Variants in SCN8A observed in about 807,000 individuals in gnomAD.
SCN8A encodes the protein sodium voltage-gated channel alpha subunit 8.
In SCN8A, 30 loss-of-function variants were observed where a neutral mutation model predicts 184.1. That is an observed-to-expected ratio of 0.16 (90% CI 0.12 to 0.22). SCN8A has a LOEUF of 0.22. Among genes scored for constraint, SCN8A ranks in the 10% least tolerant of loss-of-function variants. The pLI is 1.00. For synonymous variants in SCN8A, 852 were observed against 907.0 expected (o/e 0.94, Z 1.09); for missense variants, 1,057 against 2,498.9 (o/e 0.42, Z 12.30).
intron 2 of SCN8A, among the ~76,000 whole-genome samples, chr12:51,676,543 T>A (rs1275599937): frequency 1.3e-5 from 2 of 152,188 alleles, no homozygotes; most frequent in Non-Finnish European, 2.9e-5. Context: ...TGCTGTTGAT[T>A]AATGAACAAC....
intron 2 of SCN8A, among the ~76,000 whole-genome samples, chr12:51,669,652 C>G (rs1002655319): frequency 6.6e-6 from 1 of 152,166 alleles, no homozygotes; most frequent in Non-Finnish European, 1.5e-5. Flanking sequence ...TTTTAAAACA[C>G]ATTAGGATCT....
Position 51,634,619 on chromosome 12 carries a change from C to G in SCN8A, c.-54-28145C>G, listed in dbSNP as rs59112347. Among the ~76,000 whole-genome samples, 1,359 of 149,060 alleles carry G rather than the reference C, an allele frequency of 9.1e-3. 20 individuals carry two copies. The highest frequency in any genetic ancestry group is 0.031 in the African/African-American group (1,269 of 40,828). On this transcript the variant is annotated intron_variant, in intron 1 of 26. Transcript: ENST00000627620. Reference sequence around the variant, plus strand: ...TAGTTTTCTATATTTTTCAAGTTTTCTACAATGAAATACGTATTATTATTA... The same window carrying G: ...TAGTTTTCTATATTTTTCAAGTTTTGTACAATGAAATACGTATTATTATTA...
intron 1 of SCN8A, among the ~76,000 whole-genome samples, chr12:51,613,219 A>G (rs1905248): frequency 0.62 from 94,042 of 152,006 alleles, 32,247 homozygotes; most frequent in Non-Finnish European, 0.77. Flanking sequence ...AGAATTCTCC[A>G]GGGAAACCAT....
chr12:51,788,610 C>T (rs1938156322), intron 22 of SCN8A, 85 bp from the exon 23 acceptor site: 5 of 1,039,258 alleles, frequency 4.8e-6, no homozygotes, highest in Non-Finnish European at 6.9e-6. Flanking sequence ...TCTCACTGAA[C>T]CTAAGCCTGG....
intron 1 of SCN8A, among the ~76,000 whole-genome samples, chr12:51,645,361 G>A (rs1940556253): frequency 6.6e-6 from 1 of 151,442 alleles, no homozygotes; most frequent in Non-Finnish European, 1.5e-5. Context: ...CTGGCCAGCT[G>A]CCCCGTCCGG....
chr12:51,796,653 G>A (rs1938417785), intron 26 of SCN8A, among the ~76,000 whole-genome samples: 1 of 152,158 alleles, frequency 6.6e-6, no homozygotes, highest in Non-Finnish European at 1.5e-5. Flanking sequence ...GAAGTCCCAC[G>A]ATAGGCCATC....
intron 1 of SCN8A, among the ~76,000 whole-genome samples, chr12:51,648,357 C>G (rs1048320739): frequency 1.3e-5 from 2 of 152,178 alleles, no homozygotes; most frequent in Non-Finnish European, 2.9e-5. Context: ...CATGCCACCA[C>G]CCTTGGTGTG....
At chr12:51,650,757 C>T (rs909661141) in intron 1 of SCN8A, among the ~76,000 whole-genome samples, 3 of 152,060 alleles carry the variant, frequency 2.0e-5, no homozygotes, top group East Asian at 1.9e-4. Flanking sequence ...CACCACTTGC[C>T]GAGACCAGCT....
At chr12:51,796,615 A>T (rs939251412) in intron 26 of SCN8A, among the ~76,000 whole-genome samples, 1 of 152,206 alleles carries the variant, frequency 6.6e-6, no homozygotes, top group Non-Finnish European at 1.5e-5. Context: ...GGAGTGTATT[A>T]AGGAGAACTG....
intron 1 of SCN8A, 124 bp from the exon 2 acceptor site, chr12:51,662,640 A>C (rs1380664289): frequency 4.8e-6 from 3 of 629,066 alleles, no homozygotes; most frequent in Non-Finnish European, 8.2e-6. Context: ...TAAGCATGTC[A>C]TGGAAGAAAC....
At chr12:51,634,413 A>G (rs1055324199) in intron 1 of SCN8A, among the ~76,000 whole-genome samples, 5 of 152,130 alleles carry the variant, frequency 3.3e-5, no homozygotes, top group African/African-American at 2.4e-5. Flanking sequence ...TTCCATTGCT[A>G]TCTGTGTTTT....
At chr12:51,769,839 C>T (rs1336654347) in intron 17 of SCN8A, 29 bp from the exon 18 acceptor site, 2 of 1,478,934 alleles carry the variant, frequency 1.4e-6, no homozygotes, top group Non-Finnish European at 1.9e-6. Flanking sequence ...CTCAGAGCTG[C>T]CTGATCTCCC....
At chr12:51,727,939 G>C (rs1942181009) in intron 12 of SCN8A, among the ~76,000 whole-genome samples, 1 of 152,038 alleles carries the variant, frequency 6.6e-6, no homozygotes, top group Non-Finnish European at 1.5e-5. Flanking sequence ...GACAGGGCGA[G>C]ACTCTTTCTC....
chr12:51,667,066 G>C (rs7312752), intron 2 of SCN8A, among the ~76,000 whole-genome samples: 7,615 of 152,100 alleles, frequency 0.05, 261 homozygotes, highest in East Asian at 0.13. Context: ...ATTGTTTAAG[G>C]AACATTTAAA....
rs918709880 is a variant in SCN8A, at chr12:51,808,320, AAAAC to A, written c.*896_*899del. 4 of 152,616 alleles carry A rather than the reference AAAAC, an allele frequency of 2.6e-5. No homozygotes were observed. Among genetic ancestry groups the A allele is most frequent in the Admixed American group, 6.5e-5 (1 of 15,278 alleles). 9.5% of individuals were successfully genotyped at this position (152,616 alleles called of 1,614,324 possible). ...AATTGACTAACACCACCAACAACAA[AAAAC>A]AAACCCAATCCAACAAGCAGATGGA... On this transcript the variant is annotated 3_prime_UTR_variant, in exon 27 of 27. Coordinates refer to ENST00000627620, the MANE Select transcript of SCN8A (RefSeq NM_001330260.2).
At chr12:51,763,883 A>G (rs1026543861) in intron 15 of SCN8A, among the ~76,000 whole-genome samples, 3 of 152,262 alleles carry the variant, frequency 2.0e-5, no homozygotes, top group Non-Finnish European at 4.4e-5. Context: ...GATATTCAGC[A>G]GTTCTAAGAA....
At chr12:51,618,507 A>G (rs1279154647) in intron 1 of SCN8A, among the ~76,000 whole-genome samples, 1 of 147,158 alleles carries the variant, frequency 6.8e-6, no homozygotes, top group Non-Finnish European at 1.5e-5. Context: ...ACACACACAC[A>G]CAGAAAGAAA....
At chr12:51,761,672 A>G (rs1353417559) in intron 14 of SCN8A, among the ~76,000 whole-genome samples, 2 of 151,866 alleles carry the variant, frequency 1.3e-5, no homozygotes, top group Non-Finnish European at 1.5e-5. Context: ...TATTTTTTGT[A>G]GAGATGGGTT....
At chr12:51,659,195 G>A (rs1271987154) in intron 1 of SCN8A, among the ~76,000 whole-genome samples, 2 of 152,196 alleles carry the variant, frequency 1.3e-5, no homozygotes, top group African/African-American at 2.4e-5. Flanking sequence ...CAGAAATAGT[G>A]TTGGGTGAAA....
Sources: gnomAD v4.1 joint callset for allele counts (sites outside exome capture counted in the v4.1 genomes callset) on GRCh38, gnomAD v4.1.1 for gene constraint, MANE v1.5 for transcripts, NCBI Gene and HGNC (gene_info 2026-07-23, HGNC 2026-07-21) for gene names.